Variants in LAMP3 observed in about 807,000 individuals in gnomAD.
The protein encoded by LAMP3 is lysosome-associated membrane glycoprotein 3.
A neutral mutation model predicts 34.8 loss-of-function variants in LAMP3; 26 were observed. The observed-to-expected ratio is 0.75, with a 90% CI of 0.55 to 1.04. The LOEUF (loss-of-function observed/expected upper bound fraction) is 1.04. Ranked by LOEUF, LAMP3 falls within the 50% of genes least tolerant of loss-of-function variation. The pLI, the probability that LAMP3 is intolerant of heterozygous loss-of-function variation, is 0.00. For missense variants in LAMP3, 495 were observed against 524.0 expected, an observed-to-expected ratio of 0.94 and a Z score of 0.54; for synonymous variants, 180 against 201.9, an observed-to-expected ratio of 0.89 and a Z score of 0.92.
intron 5 of LAMP3, among the ~76,000 whole-genome samples, chr3:183,125,481 G>T (rs1314629482): frequency 6.6e-6 from 1 of 152,222 alleles, no homozygotes; most frequent in Non-Finnish European, 1.5e-5. Flanking sequence ...CTATAATAAT[G>T]TGTGCCTTAA....
intron 5 of LAMP3, among the ~76,000 whole-genome samples, chr3:183,126,037 A>T (rs991845021): frequency 4.6e-5 from 7 of 152,216 alleles, no homozygotes; most frequent in African/African-American, 1.7e-4. Context: ...AAATACAAAA[A>T]GTTAAAACAA....
chr3:183,149,965 CCT>C (rs1484030138), intron 3 of LAMP3, among the ~76,000 whole-genome samples: 2 of 152,148 alleles, frequency 1.3e-5, no homozygotes, highest in Non-Finnish European at 2.9e-5. Flanking sequence ...CTTCTGTGAG[CCT>C]CTCTGCCTAC....
intron 5 of LAMP3, chr3:183,132,152 T>C: frequency 2.0e-6 from 2 of 985,374 alleles, no homozygotes; most frequent in Non-Finnish European, 2.4e-6. Context: ...TTGAAGCAAC[T>C]GAAGGGCTAA....
chr3:183,159,273 G>A (rs894067298), intron 1 of LAMP3, among the ~76,000 whole-genome samples: 1 of 152,194 alleles, frequency 6.6e-6, no homozygotes, highest in African/African-American at 2.4e-5. Context: ...AATTCTTCAG[G>A]CAGACAAAGG....
chr3:183,160,756 C>T (rs58318334), intron 1 of LAMP3: 1 of 152,194 alleles, frequency 6.6e-6, no homozygotes, highest in Non-Finnish European at 1.5e-5. Flanking sequence ...GTTCAAAGCT[C>T]GACTCTGTCA....
At chr3:183,139,367 G>A (rs1720200251) in intron 4 of LAMP3, among the ~76,000 whole-genome samples, 2 of 149,884 alleles carry the variant, frequency 1.3e-5, no homozygotes, top group South Asian at 4.3e-4. Flanking sequence ...TCCAGCCTGG[G>A]CGACAGAGCG....
chr3:183,136,372 C>A (rs1386136030), intron 4 of LAMP3, among the ~76,000 whole-genome samples: 1 of 152,158 alleles, frequency 6.6e-6, no homozygotes, highest in Non-Finnish European at 1.5e-5. Flanking sequence ...TCATTAGGGG[C>A]CAGGCGCGGT....
At chr3:183,134,169 C>A (rs73886241) in intron 5 of LAMP3, among the ~76,000 whole-genome samples, 1 of 152,070 alleles carries the variant, frequency 6.6e-6, no homozygotes, top group Non-Finnish European at 1.5e-5. Flanking sequence ...TGAGTTGATA[C>A]GGTGACAGTG....
intron 3 of LAMP3, among the ~76,000 whole-genome samples, chr3:183,151,105 T>G (rs1720616207): frequency 6.6e-6 from 1 of 152,186 alleles, no homozygotes; most frequent in Non-Finnish European, 1.5e-5. Context: ...TGCTAGACAG[T>G]TTACATACCC....
rs745493840 is a variant in LAMP3, at chr3:183,152,405, C to T, written c.858G>A (p.Gln286=). Residue 286 remains glutamine, a synonymous_variant, in exon 3 of 6, where the codon CAG becomes CAA. Coordinates refer to ENST00000265598, the MANE Select transcript of LAMP3 (RefSeq NM_014398.4). ...TAAATGTGAGATTCACAAATCCGCCCTGAAAATTCAACAGAAGGTTGGATT... is the reference window on the plus strand; with the variant it reads ...TAAATGTGAGATTCACAAATCCGCCTTGAAAATTCAACAGAAGGTTGGATT... ...TRKSNLLLNF[Q]GGFVNLTFTK... The T allele has an allele frequency of 4.3e-6, 7 of 1,612,376 alleles. No individual in the cohort carries two copies. The South Asian group carries it at 6.6e-5, about 15-fold the overall frequency.
chr3:183,144,491 T>C (rs112609795), intron 3 of LAMP3, among the ~76,000 whole-genome samples: 5 of 152,206 alleles, frequency 3.3e-5, no homozygotes, highest in African/African-American at 1.2e-4. Flanking sequence ...ATTTGAGTTA[T>C]TTTAAGGATG....
At chr3:183,133,903 C>T (rs998455987) in intron 5 of LAMP3, among the ~76,000 whole-genome samples, 1 of 152,154 alleles carries the variant, frequency 6.6e-6, no homozygotes, top group African/African-American at 2.4e-5. Flanking sequence ...CTTCGATCCC[C>T]TGTTTAAAAA....
intron 4 of LAMP3, among the ~76,000 whole-genome samples, 161 bp from the exon 5 acceptor site, chr3:183,136,048 G>T (rs1009874807): frequency 2.6e-5 from 4 of 152,164 alleles, no homozygotes; most frequent in Non-Finnish European, 5.9e-5. Context: ...CCCTGGTGCG[G>T]TTTGGAGACT....
At chr3:183,162,875 C>T (rs1329098832), upstream of LAMP3, 2 of 527,234 alleles carry the variant, frequency 3.8e-6, no homozygotes, top group East Asian at 7.0e-5. Context: ...GCCGCCGGGG[C>T]CCGGGCCTCT....
chr3:183,131,667 C>G (rs1250520043), intron 5 of LAMP3, among the ~76,000 whole-genome samples: 1 of 152,090 alleles, frequency 6.6e-6, no homozygotes, highest in Admixed American at 6.6e-5. Context: ...CTGGGAGAGT[C>G]AGTACATTTC....
At chr3:183,140,693 G>T in intron 3 of LAMP3, 98 bp from the exon 4 acceptor site, 1 of 795,728 alleles carries the variant, frequency 1.3e-6, no homozygotes, top group Non-Finnish European at 2.2e-6. Flanking sequence ...TATTAAATCT[G>T]GATATAAGGG....
chr3:183,124,242 T>C (rs768786454), intron 5 of LAMP3, 28 bp from the exon 6 acceptor site: 23 of 1,508,012 alleles, frequency 1.5e-5, no homozygotes, highest in Non-Finnish European at 2.0e-5. Flanking sequence ...TACAATACAG[T>C]GGGTAAGGTT....
chr3:183,159,514 C>T (rs780816061), intron 1 of LAMP3, among the ~76,000 whole-genome samples: 9 of 152,212 alleles, frequency 5.9e-5, no homozygotes, highest in Admixed American at 1.3e-4. Flanking sequence ...TGGAGCCCCA[C>T]GGCCATGTCC....
intron 5 of LAMP3, among the ~76,000 whole-genome samples, chr3:183,130,304 G>A (rs1012250826): frequency 6.6e-6 from 1 of 151,786 alleles, no homozygotes; most frequent in Non-Finnish European, 1.5e-5. Flanking sequence ...GACTACATGC[G>A]CCTGCCACCA....
Sources: gnomAD v4.1 joint callset for allele counts (sites outside exome capture counted in the v4.1 genomes callset) on GRCh38, gnomAD v4.1.1 for gene constraint, MANE v1.5 for transcripts, NCBI Gene and HGNC (gene_info 2026-07-23, HGNC 2026-07-21) for gene names.